Variants in TYW1 observed in about 807,000 individuals in gnomAD.
TYW1 encodes tRNA-yW synthesizing protein 1 homolog.
Under a neutral mutation model 96.2 loss-of-function variants are expected in TYW1, and 46 were observed. The observed-to-expected ratio is 0.48, with a 90% CI of 0.38 to 0.61. TYW1 has a LOEUF of 0.61. Among genes scored for constraint, TYW1 ranks in the 20% least tolerant of loss-of-function variants. The pLI is 0.00. For synonymous variants in TYW1, 274 were observed against 323.0 expected (o/e 0.85, Z 1.63); for missense variants, 684 against 909.6 (o/e 0.75, Z 3.19).
At chr7:67,001,603 G>T (rs1290753805) in intron 3 of TYW1, among the ~76,000 whole-genome samples, 1 of 151,434 alleles carries the variant, frequency 6.6e-6, no homozygotes, top group African/African-American at 2.4e-5. Flanking sequence ...TGTATTTTTA[G>T]TAGAGATGGG....
chr7:67,104,402 A>T (rs1438814113), intron 12 of TYW1, among the ~76,000 whole-genome samples: 1 of 152,122 alleles, frequency 6.6e-6, no homozygotes, highest in Non-Finnish European at 1.5e-5. Flanking sequence ...ATGAAGGGGG[A>T]AGGGAAATGT....
At chr7:67,062,913 A>G (rs1044472953) in intron 9 of TYW1, among the ~76,000 whole-genome samples, 3 of 152,324 alleles carry the variant, frequency 2.0e-5, no homozygotes, top group Non-Finnish European at 4.4e-5. Context: ...TCTTCCCCAA[A>G]ATACAAGAGG....
At chr7:67,041,223 A>G (rs577470032) in intron 7 of TYW1, among the ~76,000 whole-genome samples, 5 of 152,228 alleles carry the variant, frequency 3.3e-5, no homozygotes, top group African/African-American at 4.8e-5. Context: ...TTCGATTTCT[A>G]TGGGATATGG....
chr7:67,056,729 A>C (rs1333304279), intron 9 of TYW1, among the ~76,000 whole-genome samples: 1 of 152,204 alleles, frequency 6.6e-6, no homozygotes, highest in African/African-American at 2.4e-5. Flanking sequence ...ATTATGAAAA[A>C]AAGTGCTATG....
intron 13 of TYW1, among the ~76,000 whole-genome samples, chr7:67,137,743 A>T (rs200300867): frequency 1.3e-5 from 2 of 151,896 alleles, no homozygotes; most frequent in African/African-American, 4.8e-5. Context: ...ATTAAAAAAA[A>T]ATTTGAGGTG....
At chr7:67,055,953 C>A in intron 9 of TYW1, 66 bp downstream of exon 9, 1 of 1,191,384 alleles carries the variant, frequency 8.4e-7, no homozygotes, top group Non-Finnish European at 1.2e-6. Context: ...TTATTATACA[C>A]TGTCTATAAA....
At chr7:67,066,019 A>C (rs1584518783) in intron 9 of TYW1, among the ~76,000 whole-genome samples, 1 of 135,938 alleles carries the variant, frequency 7.4e-6, no homozygotes, top group Non-Finnish European at 1.6e-5. Context: ...ACACACACAC[A>C]CACACACACA....
At chr7:67,071,217 T>C (rs73381658) in intron 10 of TYW1, among the ~76,000 whole-genome samples, 42,603 of 151,854 alleles carry the variant, frequency 0.28, 6,127 homozygotes, top group South Asian at 0.32. Flanking sequence ...GGGTTTGTTT[T>C]TTATTGCTTG....
At chr7:67,090,456 G>A (rs193020900) in intron 11 of TYW1, among the ~76,000 whole-genome samples, 2 of 152,168 alleles carry the variant, frequency 1.3e-5, no homozygotes, top group Non-Finnish European at 2.9e-5. Context: ...GAAAATTTTC[G>A]GATCTTAAGT....
Position 67,017,967 on chromosome 7 carries a change from T to G in TYW1, c.685T>G (p.Phe229Val), listed in dbSNP as rs746744029. 4.8e-5 allele frequency: 78 copies of G among 1,614,040 alleles called. No individual in the cohort carries two copies. Among genetic ancestry groups the G allele is most frequent in the Non-Finnish European group, 6.4e-5 (76 of 1,180,038 alleles). Residue 229 changes from phenylalanine (F) to valine (V), a missense_variant, in exon 6 of 16, where the codon TTC (phenylalanine) becomes GTC (valine). Physicochemically the swap from Phe to Val is conservative, Grantham distance 50 (BLOSUM62 -1). Coordinates refer to ENST00000359626, the MANE Select transcript of TYW1 (RefSeq NM_018264.4). The stretch of plus-strand genomic sequence containing the variant: ...CAAGCACGGCAGCATTGAGGCCGAC[T>G]TCAGAGCATGGAAGACCAAGTTCAT... The part of the protein sequence containing the change: ...KSKHGSIEAD[F>V]RAWKTKFISQ...
intron 15 of TYW1, among the ~76,000 whole-genome samples, chr7:67,210,749 G>A (rs1308293465): frequency 1.1e-5 from 1 of 92,696 alleles, no homozygotes; most frequent in African/African-American, 4.8e-5. Context: ...TCATCTGTTT[G>A]TCTGTCGTCT....
chr7:67,117,419 A>G (rs542530033), intron 12 of TYW1, 64 bp from the exon 13 acceptor site: 561 of 1,548,724 alleles, frequency 3.6e-4, no homozygotes, highest in Middle Eastern at 5.4e-4. Flanking sequence ...TGCAGGTTTT[A>G]TATCATGGAA....
chr7:67,130,242 G>T (rs1396319129), intron 13 of TYW1, among the ~76,000 whole-genome samples: 1 of 151,930 alleles, frequency 6.6e-6, no homozygotes, highest in Non-Finnish European at 1.5e-5. Flanking sequence ...TCAGTTGGGT[G>T]TGGTGGTGGG....
intron 10 of TYW1, among the ~76,000 whole-genome samples, chr7:67,074,589 G>C (rs904386384): frequency 6.6e-6 from 1 of 152,080 alleles, no homozygotes. Context: ...AATATACGAG[G>C]TTTTAAAATT....
intron 13 of TYW1, among the ~76,000 whole-genome samples, chr7:67,130,274 G>A (rs551329427): frequency 1.1e-4 from 16 of 152,036 alleles, no homozygotes; most frequent in South Asian, 6.2e-4. Context: ...CCAGCTACTC[G>A]GGAGGCTGAG....
At position 66,997,044 on chromosome 7, in the gene TYW1, C is replaced by T. The variant is rs952347999; in HGVS notation, c.4+62C>T. 18 of 1,608,732 alleles carry T rather than the reference C, an allele frequency of 1.1e-5. No homozygotes were observed. In the East Asian group the frequency reaches 2.2e-4, roughly 20 times the overall value. On this transcript the variant is annotated intron_variant, in intron 1 of 15. Transcript: ENST00000359626. ...AGGGGAGGTAAACGTTTTACTGAGA[C>T]CCTCTCCGGGCGGAGTGGCGTCCTC... is the stretch of plus-strand genomic sequence containing the variant.
chr7:67,052,613 G>A (rs1387221194), intron 8 of TYW1, among the ~76,000 whole-genome samples: 5 of 152,000 alleles, frequency 3.3e-5, no homozygotes, highest in Admixed American at 2.0e-4. Context: ...GATCAGCTTT[G>A]GTTGATGGAT....
chr7:67,082,610 G>A (rs1256236087), intron 10 of TYW1, among the ~76,000 whole-genome samples: 1 of 152,022 alleles, frequency 6.6e-6, no homozygotes, highest in Admixed American at 6.6e-5. Flanking sequence ...GCCTTGAGGG[G>A]CCTGAAGGGC....
chr7:67,203,157 G>C (rs1480591028), intron 15 of TYW1, among the ~76,000 whole-genome samples: 1 of 152,152 alleles, frequency 6.6e-6, no homozygotes, highest in Non-Finnish European at 1.5e-5. Flanking sequence ...CTAGCCTCTG[G>C]CGACCGCTAA....
Sources: allele counts gnomAD v4.1 joint callset (sites outside exome capture counted in the v4.1 genomes callset), GRCh38; gene constraint gnomAD v4.1.1; transcripts MANE v1.5; gene names NCBI Gene and HGNC (gene_info 2026-07-23, HGNC 2026-07-21).